SYN3: variants seen among roughly 807,000 people sequenced by gnomAD.
SYN3 encodes synapsin III, also known as synapsin-3.
Under a neutral mutation model 65.8 loss-of-function variants are expected in SYN3, and 35 were observed. That is an observed-to-expected ratio of 0.53 (90% CI 0.41 to 0.70). The LOEUF is 0.70. Ranked by LOEUF, SYN3 falls within the 30% of genes least tolerant of loss-of-function variation. The probability of loss-of-function intolerance (pLI) is 0.00; values close to 1 mark genes in which losing one functional copy is unlikely to be tolerated. For synonymous variants in SYN3, 270 were observed against 292.9 expected (o/e 0.92, Z 0.80); for missense variants, 680 against 749.0 (o/e 0.91, Z 1.08).
At chr22:32,765,519 A>G (rs1377681910) in intron 6 of SYN3, among the ~76,000 whole-genome samples, 3 of 152,136 alleles carry the variant, frequency 2.0e-5, no homozygotes, top group Non-Finnish European at 4.4e-5. Flanking sequence ...GTGGAGGACA[A>G]CTTTGGGGCT....
chr22:32,811,769 A>T (rs570226226), intron 6 of SYN3, among the ~76,000 whole-genome samples: 1 of 152,122 alleles, frequency 6.6e-6, no homozygotes, highest in South Asian at 2.1e-4. Context: ...CCATATAGCC[A>T]ATACATGGAA....
chr22:32,620,533 G>C (rs910531952), intron 6 of SYN3, among the ~76,000 whole-genome samples: 8 of 152,094 alleles, frequency 5.3e-5, no homozygotes, highest in Non-Finnish European at 1.2e-4. Context: ...GAGTGGTGGG[G>C]ACTGGGGCAA....
At chr22:32,724,875 C>G (rs1015579210) in intron 6 of SYN3, among the ~76,000 whole-genome samples, 1 of 152,158 alleles carries the variant, frequency 6.6e-6, no homozygotes, top group Non-Finnish European at 1.5e-5. Flanking sequence ...AATCCCAGCA[C>G]TTTGGGAGGC....
chr22:32,780,943 T>C (rs1356434254), intron 6 of SYN3, among the ~76,000 whole-genome samples: 2 of 64,038 alleles, frequency 3.1e-5, no homozygotes, highest in African/African-American at 1.2e-4. Flanking sequence ...CTTTCCTTCC[T>C]TCCTTCCTTC....
At position 32,885,432 on chromosome 22, in the gene SYN3, C is replaced by G. The variant is rs192636723; in HGVS notation, c.462-16307G>C. Among the ~76,000 whole-genome samples the G allele has an allele frequency of 2.0e-5, 3 of 152,270 alleles. No individual in the cohort carries two copies. In the East Asian group the frequency reaches 5.8e-4, roughly 29 times the overall value. On this transcript the variant is annotated intron_variant, in intron 4 of 13. Transcript: ENST00000358763. ...TTATCAGTGAGCCACCCTGGTGCCC[C>G]GGGCCATACCCTCATGCCTATGAAA...
At chr22:32,970,163 A>T (rs1377395498) in intron 3 of SYN3, among the ~76,000 whole-genome samples, 1 of 152,224 alleles carries the variant, frequency 6.6e-6, no homozygotes, top group African/African-American at 2.4e-5. Flanking sequence ...TGCTTCATGC[A>T]GTCTTATAGT....
intron 4 of SYN3, among the ~76,000 whole-genome samples, chr22:32,889,691 A>G (rs1040922410): frequency 5.3e-5 from 8 of 152,074 alleles, no homozygotes; most frequent in African/African-American, 1.7e-4. Flanking sequence ...GTATCCAGGG[A>G]TCTTTGCATG....
intron 4 of SYN3, among the ~76,000 whole-genome samples, chr22:32,883,546 T>C (rs2049203108): frequency 6.6e-6 from 1 of 152,228 alleles, no homozygotes; most frequent in African/African-American, 2.4e-5. Flanking sequence ...AAACTAGTTC[T>C]TCCTCCTCTT....
intron 3 of SYN3, among the ~76,000 whole-genome samples, chr22:32,946,200 C>T (rs941018327): frequency 1.3e-5 from 2 of 152,062 alleles, no homozygotes; most frequent in Non-Finnish European, 1.5e-5. Context: ...GGGTATATAC[C>T]CAAAGGACTA....
chr22:32,744,153 C>G (rs1427797836), intron 6 of SYN3, among the ~76,000 whole-genome samples: 2 of 152,114 alleles, frequency 1.3e-5, no homozygotes, highest in African/African-American at 4.8e-5. Context: ...ATGCTACCTT[C>G]TCTGCATTTT....
intron 6 of SYN3, among the ~76,000 whole-genome samples, chr22:32,780,889 CTG>C (rs2046024431): frequency 3.2e-5 from 1 of 30,950 alleles, no homozygotes; most frequent in Non-Finnish European, 8.4e-5. Flanking sequence ...GTATTATTGC[CTG>C]CCTGCCTGCC....
At chr22:32,806,117 A>G (rs1444146817) in intron 6 of SYN3, among the ~76,000 whole-genome samples, 1 of 151,538 alleles carries the variant, frequency 6.6e-6, no homozygotes, top group African/African-American at 2.4e-5. Context: ...GGGCTTCAAG[A>G]CTCTTCCCTT....
chr22:33,058,312 C>T lies in SYN3; in HGVS notation c.-183G>A, dbSNP rs2054286076. On this transcript the variant is annotated 5_prime_UTR_variant, in exon 1 of 14. Transcript: ENST00000358763. Reference sequence around the variant, plus strand: ...CTTACCGTGCGAGCCGCCAGGAACTCGGCGCCCGGTGGTGCCTCGGCGCGG... The same window carrying T: ...CTTACCGTGCGAGCCGCCAGGAACTTGGCGCCCGGTGGTGCCTCGGCGCGG... 1 of 149,968 alleles carries T rather than the reference C, an allele frequency of 6.7e-6. No individual in the cohort carries two copies. Among genetic ancestry groups the T allele is most frequent in the African/African-American group, 2.5e-5 (1 of 40,046 alleles). 9.3% of individuals were successfully genotyped at this position (149,968 alleles called of 1,614,324 possible).
At chr22:32,533,765 C>T (rs1189778901) in intron 10 of SYN3, 28 bp downstream of exon 10, 2 of 1,548,102 alleles carry the variant, frequency 1.3e-6, no homozygotes, top group South Asian at 2.2e-5. Flanking sequence ...CTGGACCAGC[C>T]AGGAGGACTC....
In SYN3 at chr22:32,645,963, C is replaced by T. The variant is rs560001590; in HGVS notation, c.712-49227G>A. 3.3e-4 allele frequency among the ~76,000 whole-genome samples: 50 copies of T among 152,188 alleles called. No homozygotes were observed. In the South Asian group the frequency reaches 1.0e-2, roughly 30 times the overall value. ...GGCACGTGAGCCTTGGAATAAGGAACAAGTCCCAAGGAGATTCAGGCAAGG... is the reference window on the plus strand; with the variant it reads ...GGCACGTGAGCCTTGGAATAAGGAATAAGTCCCAAGGAGATTCAGGCAAGG... On this transcript the variant is annotated intron_variant, in intron 6 of 13. Coordinates refer to ENST00000358763, the MANE Select transcript of SYN3 (RefSeq NM_003490.4).
chr22:32,854,234 G>A (rs957155978), intron 6 of SYN3, among the ~76,000 whole-genome samples: 17 of 152,198 alleles, frequency 1.1e-4, no homozygotes, highest in African/African-American at 4.1e-4. Context: ...ACAGCGCTAT[G>A]TTTGTCAGAG....
At position 32,564,811 on chromosome 22, in the gene SYN3, G is replaced by A. The variant is rs192111016; in HGVS notation, c.775-23098C>T. 8.0e-5 allele frequency among the ~76,000 whole-genome samples: 11 copies of A among 137,794 alleles called. 1 individual carries two copies. The highest frequency in any genetic ancestry group is 5.9e-4 in the Admixed American group (8 of 13,522). The allele number at this position is 137,794 out of a possible 152,430, so 90.4% of individuals were successfully genotyped here. A position where few individuals can be genotyped will look rare whatever the true frequency, so the allele number is the denominator to read the frequency against. ...TGGGCTGCACCCAAACAGTGCTCCCGCATTGTACCCAAACAGTGCTCCCGG... is the reference window on the plus strand; with the variant it reads ...TGGGCTGCACCCAAACAGTGCTCCCACATTGTACCCAAACAGTGCTCCCGG... On this transcript the variant is annotated intron_variant, in intron 7 of 13. Transcript: ENST00000358763.
At chr22:32,876,136 A>G (rs1009430157) in intron 4 of SYN3, among the ~76,000 whole-genome samples, 10 of 152,164 alleles carry the variant, frequency 6.6e-5, no homozygotes, top group African/African-American at 2.2e-4. Context: ...GGGAAGTCCA[A>G]TATCGAGGCA....
chr22:32,863,397 G>T (rs1191914237), intron 6 of SYN3, among the ~76,000 whole-genome samples: 1 of 152,238 alleles, frequency 6.6e-6, no homozygotes, highest in African/African-American at 2.4e-5. Context: ...ACCTGGTGGA[G>T]GTGGGGAGGG....
Sources: gnomAD v4.1 joint callset for allele counts (sites outside exome capture counted in the v4.1 genomes callset) on GRCh38, gnomAD v4.1.1 for gene constraint, MANE v1.5 for transcripts, NCBI Gene and HGNC (gene_info 2026-07-23, HGNC 2026-07-21) for gene names.